Variants in RAB22A observed in about 807,000 individuals in gnomAD.
RAB22A encodes the protein ras-related protein Rab-22A.
RAB22A carries 13 observed loss-of-function variants against 30.2 expected under a neutral mutation model. That is an observed-to-expected ratio of 0.43 (90% CI 0.28 to 0.68). The LOEUF (loss-of-function observed/expected upper bound fraction) is 0.68, where lower values mean the gene tolerates loss of function less well. Ranked by LOEUF, RAB22A falls within the 30% of genes least tolerant of loss-of-function variation. The pLI is 0.18. For missense variants in RAB22A, 177 were observed against 246.8 expected (o/e 0.72, Z 1.89); for synonymous variants, 89 against 87.2 (o/e 1.02, Z -0.11).
At chr20:58,344,101 C>G (rs1422847487) in intron 3 of RAB22A, among the ~76,000 whole-genome samples, 1 of 152,164 alleles carries the variant, frequency 6.6e-6, no homozygotes, top group Non-Finnish European at 1.5e-5. Context: ...ATTTGGGGCT[C>G]TCTCCTCTAG....
chr20:58,309,798 C>A lies in RAB22A; in HGVS notation c.-179C>A. Reference sequence around the variant, plus strand: ...GGCGTCCCGGCTGCTAAGGCGGGCCCCACGCGGCTGGCAGCGGACAGGCCG... The same window carrying A: ...GGCGTCCCGGCTGCTAAGGCGGGCCACACGCGGCTGGCAGCGGACAGGCCG... On this transcript the variant is annotated 5_prime_UTR_variant, in exon 1 of 7. Transcript: ENST00000244040. 4.2e-6 allele frequency: 2 copies of A among 474,320 alleles called. No homozygotes were observed. The highest frequency in any genetic ancestry group is 6.5e-6 in the Non-Finnish European group (2 of 305,578). The allele number at this position is 474,320 out of a possible 1,614,324, so 29.4% of individuals were successfully genotyped here. A position where few individuals can be genotyped will look rare whatever the true frequency, so the allele number is the denominator to read the frequency against.
chr20:58,330,308 T>A (rs1277635608), intron 2 of RAB22A, among the ~76,000 whole-genome samples: 1 of 152,232 alleles, frequency 6.6e-6, no homozygotes, highest in Non-Finnish European at 1.5e-5. Context: ...TTCTTTTATA[T>A]ATTTTACATG....
intron 4 of RAB22A, 31 bp downstream of exon 4, chr20:58,353,375 T>C (rs375407006): frequency 1.7e-5 from 27 of 1,609,912 alleles, no homozygotes; most frequent in Non-Finnish European, 2.2e-5. Flanking sequence ...TTAGATTGTT[T>C]TGAAAACTCT....
intron 2 of RAB22A, among the ~76,000 whole-genome samples, chr20:58,332,757 C>A (rs552512180): frequency 6.6e-6 from 1 of 152,112 alleles, no homozygotes; most frequent in Admixed American, 6.5e-5. Context: ...ATAATTTCTG[C>A]AAACTCGTCA....
chr20:58,343,882 C>T (rs1986900398), intron 3 of RAB22A, 83 bp downstream of exon 3: 7 of 1,084,766 alleles, frequency 6.5e-6, no homozygotes, highest in East Asian at 2.5e-5. Flanking sequence ...TGTCATCTCA[C>T]GTTACTCACT....
At chr20:58,358,461 AC>A in intron 6 of RAB22A, among the ~76,000 whole-genome samples, 1 of 152,326 alleles carries the variant, frequency 6.6e-6, no homozygotes, top group Admixed American at 6.5e-5. Context: ...CTACACACAT[AC>A]TCGTAAGTTC....
chr20:58,317,494 G>T (rs1467085979), intron 2 of RAB22A, among the ~76,000 whole-genome samples: 4 of 151,240 alleles, frequency 2.6e-5, no homozygotes, highest in Non-Finnish European at 4.4e-5. Flanking sequence ...CAAGAGAGGT[G>T]TATTTAAAAT....
intron 3 of RAB22A, chr20:58,345,809 C>T (rs950833636): frequency 6.6e-6 from 1 of 152,384 alleles, no homozygotes; most frequent in African/African-American, 2.4e-5. Flanking sequence ...CATCCACAGC[C>T]AGGCTCTATT....
intron 2 of RAB22A, among the ~76,000 whole-genome samples, chr20:58,326,566 C>A (rs1986573327): frequency 6.6e-6 from 1 of 152,014 alleles, no homozygotes; most frequent in Admixed American, 6.6e-5. Context: ...TCTATTCCTC[C>A]CCCTAGTTGA....
intron 2 of RAB22A, among the ~76,000 whole-genome samples, chr20:58,317,232 G>C (rs1350933167): frequency 6.6e-6 from 1 of 152,062 alleles, no homozygotes. Context: ...GAGTAGCTGG[G>C]ATTACAGGCA....
chr20:58,348,324 G>A (rs1047982612), intron 3 of RAB22A, among the ~76,000 whole-genome samples: 2 of 152,188 alleles, frequency 1.3e-5, no homozygotes, highest in South Asian at 2.1e-4. Context: ...CCCAATGACT[G>A]TTTTTACAGA....
intron 2 of RAB22A, among the ~76,000 whole-genome samples, chr20:58,340,182 CCCT>C (rs1233860784): frequency 5.9e-5 from 9 of 152,270 alleles, no homozygotes; most frequent in Admixed American, 3.3e-4. Context: ...AAGAGACACC[CCCT>C]CCTTCCAAAA....
At chr20:58,335,398 A>G (rs1445734826) in intron 2 of RAB22A, among the ~76,000 whole-genome samples, 1 of 152,178 alleles carries the variant, frequency 6.6e-6, no homozygotes, top group Non-Finnish European at 1.5e-5. Context: ...GTCTGATTAT[A>G]TCCATCATGG....
In RAB22A at chr20:58,359,801, T is replaced by C; in HGVS notation, c.*98T>C. ...GCCACCAGTTTTCACCTAGCCAGTC[T>C]TGAGTCTTCTCCGTGCAAAAAGGAT... is the stretch of plus-strand genomic sequence containing the variant. On this transcript the variant is annotated 3_prime_UTR_variant, in exon 7 of 7. Coordinates refer to ENST00000244040, the MANE Select transcript of RAB22A (RefSeq NM_020673.3). The C allele has an allele frequency of 9.6e-7, 1 of 1,036,796 alleles. No homozygotes were observed. The highest frequency in any genetic ancestry group is 1.4e-6 in the Non-Finnish European group (1 of 701,810). 64.2% of individuals were successfully genotyped at this position (1,036,796 alleles called of 1,614,324 possible). A position where few individuals can be genotyped will look rare whatever the true frequency, so the allele number is the denominator to read the frequency against.
At chr20:58,311,477 A>G (rs1190257291) in intron 2 of RAB22A, among the ~76,000 whole-genome samples, 1 of 152,250 alleles carries the variant, frequency 6.6e-6, no homozygotes, top group East Asian at 1.9e-4. Flanking sequence ...CAAGTAAAAG[A>G]CATTTAAATG....
At chr20:58,346,333 A>G (rs576918052) in intron 3 of RAB22A, among the ~76,000 whole-genome samples, 5 of 152,178 alleles carry the variant, frequency 3.3e-5, no homozygotes, top group South Asian at 2.1e-4. Flanking sequence ...TGCACCTCTC[A>G]TAACAGCCAC....
At position 58,353,427 on chromosome 20, in the gene RAB22A, T is replaced by G; in HGVS notation, c.271-5T>G. 6.2e-7 allele frequency: 1 copy of G among 1,611,984 alleles called. No individual in the cohort carries two copies. The highest frequency in any genetic ancestry group is 8.5e-7 in the Non-Finnish European group (1 of 1,178,032). Reference sequence around the variant, plus strand: ...TCCAGTTGCTCTCTTTTTTGTGTGTTACAGGAGACATTTTCAACATTAAAG... The same window carrying G: ...TCCAGTTGCTCTCTTTTTTGTGTGTGACAGGAGACATTTTCAACATTAAAG... On this transcript the variant is annotated splice_polypyrimidine_tract_variant and splice_region_variant and intron_variant, in intron 4 of 6. Coordinates refer to ENST00000244040, the MANE Select transcript of RAB22A (RefSeq NM_020673.3).
intron 3 of RAB22A, among the ~76,000 whole-genome samples, chr20:58,353,057 CTG>C (rs1289406282): frequency 1.3e-5 from 2 of 152,198 alleles, no homozygotes; most frequent in Non-Finnish European, 2.9e-5. Flanking sequence ...TCCTATAAAA[CTG>C]TATTCTGAAC....
intron 5 of RAB22A, 121 bp from the exon 6 acceptor site, chr20:58,354,035 C>A: frequency 1.6e-6 from 1 of 622,334 alleles, no homozygotes; most frequent in Non-Finnish European, 2.8e-6. Flanking sequence ...GTCTCAGGGC[C>A]CATCCAGCAG....
Sources: allele counts gnomAD v4.1 joint callset (sites outside exome capture counted in the v4.1 genomes callset), GRCh38; gene constraint gnomAD v4.1.1; transcripts MANE v1.5; gene names NCBI Gene and HGNC (gene_info 2026-07-23, HGNC 2026-07-21).